MAN2A1: variants seen among roughly 807,000 people sequenced by gnomAD.
MAN2A1 encodes mannosidase alpha class 2A member 1.
Under a neutral mutation model 142.6 loss-of-function variants are expected in MAN2A1, and 76 were observed. That is an observed-to-expected ratio of 0.53 (90% CI 0.44 to 0.65). The LOEUF (loss-of-function observed/expected upper bound fraction) is 0.65, where lower values mean the gene tolerates loss of function less well. Ranked by LOEUF, MAN2A1 falls within the 30% of genes least tolerant of loss-of-function variation. The probability of loss-of-function intolerance (pLI) is 0.00; values close to 1 mark genes in which losing one functional copy is unlikely to be tolerated. For synonymous variants in MAN2A1, 559 were observed against 473.2 expected, an observed-to-expected ratio of 1.18 and a Z score of -2.35; for missense variants, 1,311 against 1,365.1, an observed-to-expected ratio of 0.96 and a Z score of 0.62.
intron 19 of MAN2A1, among the ~76,000 whole-genome samples, chr5:109,853,115 A>T (rs1755525243): frequency 6.6e-6 from 1 of 152,214 alleles, no homozygotes. Flanking sequence ...GAAGACTCCC[A>T]TCAAAATGTC....
In MAN2A1 at chr5:109,774,955, T is replaced by G; in HGVS notation, c.1364T>G (p.Phe455Cys). Reference sequence around the variant, plus strand: ...GATTATATGAATTCTCAGTCCAAGTTTAAAGTTAAGGTAAGGAGAAAATAT... The same window carrying G: ...GATTATATGAATTCTCAGTCCAAGTGTAAAGTTAAGGTAAGGAGAAAATAT... ...LFDYMNSQSK[F>C]KVKIQFGTLS... Residue 455 changes from phenylalanine (F) to cysteine (C), a missense_variant, in exon 8 of 22, where the codon TTT (phenylalanine) becomes TGT (cysteine). Transcript: ENST00000261483. 1 of 1,598,432 alleles carries G rather than the reference T, an allele frequency of 6.3e-7. No individual in the cohort carries two copies. Among genetic ancestry groups the G allele is most frequent in the South Asian group, 1.1e-5 (1 of 88,788 alleles).
intron 1 of MAN2A1, among the ~76,000 whole-genome samples, chr5:109,694,162 A>G (rs1201241144): frequency 6.6e-6 from 1 of 152,236 alleles, no homozygotes; most frequent in African/African-American, 2.4e-5. Flanking sequence ...AGTGTAGCAT[A>G]TGACCGTAGA....
chr5:109,749,647 T>G (rs942162502), intron 4 of MAN2A1, among the ~76,000 whole-genome samples: 3 of 152,098 alleles, frequency 2.0e-5, no homozygotes, highest in Non-Finnish European at 2.9e-5. Context: ...TATCATGAAG[T>G]GTACATGTAA....
At position 109,690,706 on chromosome 5, in the gene MAN2A1, C is replaced by T. The variant is rs1561461302; in HGVS notation, c.135+154C>T. On this transcript the variant is annotated intron_variant, in intron 1 of 21. Coordinates refer to ENST00000261483, the MANE Select transcript of MAN2A1 (RefSeq NM_002372.4). ...GTAGCTCTCGGACGGCAATGATCAC[C>T]TCCTGGGAGCCACCTCGCCCGGGCG... Among the ~76,000 whole-genome samples, 5 of 152,274 alleles carry T rather than the reference C, an allele frequency of 3.3e-5. No homozygotes were observed. The South Asian group carries it at 8.3e-4, about 25-fold the overall frequency.
Position 109,817,305 on chromosome 5 carries a change from A to G in MAN2A1, c.1976A>G (p.Asp659Gly). 6.2e-7 allele frequency: 1 copy of G among 1,614,154 alleles called. No homozygotes were observed. Among genetic ancestry groups the G allele is most frequent in the Non-Finnish European group, 8.5e-7 (1 of 1,180,004 alleles). Residue 659 changes from aspartate (D) to glycine (G), a missense_variant, in exon 13 of 22, where the codon GAC (aspartate) becomes GGC (glycine). Coordinates refer to ENST00000261483, the MANE Select transcript of MAN2A1 (RefSeq NM_002372.4). ...GTGGTCTATAATCCTTTAGAACAAGACCGAATCTCGTTGGTCTCAGTCTAT... is the reference window on the plus strand; with the variant it reads ...GTGGTCTATAATCCTTTAGAACAAGGCCGAATCTCGTTGGTCTCAGTCTAT... ...YLVVYNPLEQ[D>G]RISLVSVYVS...
Position 109,788,993 on chromosome 5 carries a change from T to G in MAN2A1, c.1820T>G (p.Ile607Ser). 1 of 1,607,608 alleles carries G rather than the reference T, an allele frequency of 6.2e-7. No individual in the cohort carries two copies. Among genetic ancestry groups the G allele is most frequent in the Non-Finnish European group, 8.5e-7 (1 of 1,175,332 alleles). Residue 607 changes from isoleucine to serine, a missense_variant, in exon 11 of 22, where the codon ATT (isoleucine) becomes AGT (serine). This residue lies in a region of MAN2A1 where 890 missense variants were observed against 920.5 expected (regional missense o/e 0.97). Transcript: ENST00000261483. ...ATTGGAAATTCTGCATTTCTTCTTATTTTGAAGGACAAACTCACATACGAC... is the reference window on the plus strand; with the variant it reads ...ATTGGAAATTCTGCATTTCTTCTTAGTTTGAAGGACAAACTCACATACGAC... Reference protein sequence around the residue: ...KIIGNSAFLLILKDKLTYDSY... With the variant: ...KIIGNSAFLLSLKDKLTYDSY...
chr5:109,713,199 G>A (rs897230053), intron 1 of MAN2A1, among the ~76,000 whole-genome samples: 1 of 152,170 alleles, frequency 6.6e-6, no homozygotes, highest in Admixed American at 6.5e-5. Flanking sequence ...GTTGTACAGT[G>A]ATTCCAGGGA....
chr5:109,799,335 C>T (rs1287270508), intron 12 of MAN2A1, among the ~76,000 whole-genome samples: 1 of 152,198 alleles, frequency 6.6e-6, no homozygotes, highest in African/African-American at 2.4e-5. Context: ...GCTCAGTCTG[C>T]ACTATGTGCT....
chr5:109,735,158 G>T (rs1442679978), intron 4 of MAN2A1, among the ~76,000 whole-genome samples: 3 of 152,086 alleles, frequency 2.0e-5, no homozygotes, highest in East Asian at 3.9e-4. Flanking sequence ...ATCTTTGTTG[G>T]TTTAAAGTCT....
intron 16 of MAN2A1, among the ~76,000 whole-genome samples, chr5:109,835,760 T>TTTGGAATATA (rs1755041147): frequency 6.6e-6 from 1 of 152,188 alleles, no homozygotes; most frequent in African/African-American, 2.4e-5. Context: ...TATGAGTATA[T>TTTGGAATATA]TCCTTGGAAA....
chr5:109,832,657 C>T (rs1754945833), intron 16 of MAN2A1, among the ~76,000 whole-genome samples: 1 of 152,212 alleles, frequency 6.6e-6, no homozygotes, highest in Non-Finnish European at 1.5e-5. Context: ...CCGCCATCGT[C>T]ATCATGGCCC....
chr5:109,777,094 T>TA (rs1352160020), intron 8 of MAN2A1, among the ~76,000 whole-genome samples: 1 of 152,152 alleles, frequency 6.6e-6, no homozygotes, highest in Non-Finnish European at 1.5e-5. Context: ...GTTATGAGTT[T>TA]ACATGGGTAT....
chr5:109,861,322 G>A (rs373455260), intron 20 of MAN2A1, among the ~76,000 whole-genome samples: 189 of 152,242 alleles, frequency 1.2e-3, no homozygotes, highest in African/African-American at 4.2e-3. Flanking sequence ...CATGAACAAC[G>A]GCAGTTGTCA....
intron 5 of MAN2A1, among the ~76,000 whole-genome samples, chr5:109,761,005 TATTC>T: frequency 6.6e-6 from 1 of 151,982 alleles, no homozygotes; most frequent in South Asian, 2.1e-4. Flanking sequence ...AGTTTATGGT[TATTC>T]GTTTGTTTTT....
intron 5 of MAN2A1, among the ~76,000 whole-genome samples, chr5:109,757,707 C>T (rs1460380109): frequency 2.0e-5 from 3 of 152,130 alleles, no homozygotes; most frequent in African/African-American, 7.2e-5. Flanking sequence ...CCTAGCTTCA[C>T]CCTTCCCTGC....
intron 5 of MAN2A1, among the ~76,000 whole-genome samples, chr5:109,756,194 C>G (rs1228140842): frequency 6.6e-6 from 1 of 151,920 alleles, no homozygotes; most frequent in Non-Finnish European, 1.5e-5. Context: ...ATATGAGTGG[C>G]CTCATGGAAT....
chr5:109,847,437 A>T (rs1431172310), intron 18 of MAN2A1, among the ~76,000 whole-genome samples: 4 of 152,210 alleles, frequency 2.6e-5, no homozygotes, highest in African/African-American at 9.7e-5. Context: ...ACATTACTAA[A>T]GAAACACAGA....
intron 5 of MAN2A1, among the ~76,000 whole-genome samples, chr5:109,760,303 A>G (rs1012714004): frequency 6.6e-6 from 1 of 152,184 alleles, no homozygotes; most frequent in Non-Finnish European, 1.5e-5. Context: ...TATCCCTGCA[A>G]AGACATGAAC....
intron 21 of MAN2A1, among the ~76,000 whole-genome samples, chr5:109,865,601 A>G (rs538897189): frequency 6.6e-6 from 1 of 152,200 alleles, no homozygotes; most frequent in African/African-American, 2.4e-5. Flanking sequence ...GGCTAGTGGG[A>G]TAATCCACCC....
Sources: gnomAD v4.1 joint callset for allele counts (sites outside exome capture counted in the v4.1 genomes callset) on GRCh38, gnomAD v4.1.1 for gene constraint, gnomAD v4.1.1 regional missense constraint, MANE v1.5 for transcripts, NCBI Gene and HGNC (gene_info 2026-07-23, HGNC 2026-07-21) for gene names.